Variants in RALGAPA2 observed in about 807,000 individuals in gnomAD.
The protein encoded by RALGAPA2 is Ral GTPase activating protein catalytic subunit alpha 2, also known as ral GTPase-activating protein subunit alpha-2.
Under a neutral mutation model 230.4 loss-of-function variants are expected in RALGAPA2, and 139 were observed. The ratio of observed to expected loss-of-function variants is 0.60; its 90% CI spans 0.53 to 0.69. The LOEUF is 0.69. Ranked by LOEUF, RALGAPA2 falls within the 30% of genes least tolerant of loss-of-function variation. The pLI, the probability that RALGAPA2 is intolerant of heterozygous loss-of-function variation, is 0.00. For synonymous variants in RALGAPA2, 847 were observed against 837.8 expected, an observed-to-expected ratio of 1.01 and a Z score of -0.19; for missense variants, 2,163 against 2,276.0, an observed-to-expected ratio of 0.95 and a Z score of 1.01.
intron 37 of RALGAPA2, among the ~76,000 whole-genome samples, chr20:20,427,208 C>T (rs1432012787): frequency 6.6e-6 from 1 of 152,194 alleles, no homozygotes; most frequent in African/African-American, 2.4e-5. Context: ...TTCTTCCACT[C>T]TCTCCAGTTG....
At position 20,403,726 on chromosome 20, in the gene RALGAPA2, C is replaced by G. The variant is rs116047330; in HGVS notation, c.5618-6992G>C. 5.8e-3 allele frequency among the ~76,000 whole-genome samples: 891 copies of G among 152,328 alleles called. 4 individuals are homozygous for G. Among genetic ancestry groups the G allele is most frequent in the African/African-American group, 0.02 (846 of 41,556 alleles). ...GCACCCTAGGGATGTAGCTAGGGAG[C>G]AGGGCTTCCCTAATGACTGCACGTG... On this transcript the variant is annotated intron_variant, in intron 38 of 39. Transcript: ENST00000202677.
chr20:20,531,884 A>G, intron 26 of RALGAPA2, 89 bp from the exon 27 acceptor site: 2 of 1,046,660 alleles, frequency 1.9e-6, no homozygotes, highest in Non-Finnish European at 2.8e-6. Context: ...CTTTAAATCT[A>G]TTTATACAAA....
chr20:20,454,514 C>T (rs373480795), intron 37 of RALGAPA2, among the ~76,000 whole-genome samples: 16 of 152,166 alleles, frequency 1.1e-4, no homozygotes, highest in East Asian at 5.8e-4. Context: ...CTTAACTTTA[C>T]GTTGTATCCT....
chr20:20,601,271 G>C (rs914821690), intron 16 of RALGAPA2, among the ~76,000 whole-genome samples: 6 of 152,142 alleles, frequency 3.9e-5, no homozygotes, highest in African/African-American at 1.4e-4. Context: ...AGCAAAAAAT[G>C]AAAATGTCTA....
chr20:20,520,635 G>A (rs1262414515), intron 31 of RALGAPA2, among the ~76,000 whole-genome samples: 7 of 152,228 alleles, frequency 4.6e-5, no homozygotes, highest in Admixed American at 3.9e-4. Flanking sequence ...TCCATTAGAT[G>A]TAAAGCTCCT....
chr20:20,654,172 T>C (rs1469269765), intron 3 of RALGAPA2, among the ~76,000 whole-genome samples: 1 of 152,190 alleles, frequency 6.6e-6, no homozygotes, highest in African/African-American at 2.4e-5. Context: ...GTAGATTCCA[T>C]ATATATGAGA....
rs558646695 is a variant in RALGAPA2, at chr20:20,449,831, C to A, written c.5495+22998G>T. ...GACCTATTATGTCTTCCAACTTATA[C>A]AAAATATAATTTCATTAACAGTAAT... On this transcript the variant is annotated intron_variant, in intron 37 of 39. Transcript: ENST00000202677. 2.0e-5 allele frequency among the ~76,000 whole-genome samples: 3 copies of A among 152,254 alleles called. No individual in the cohort carries two copies. In the South Asian group the frequency reaches 6.2e-4, roughly 32 times the overall value.
intron 37 of RALGAPA2, among the ~76,000 whole-genome samples, chr20:20,455,411 G>A (rs1815743249): frequency 6.6e-6 from 1 of 152,226 alleles, no homozygotes; most frequent in Non-Finnish European, 1.5e-5. Context: ...AGAGCTGGGG[G>A]ATCGGGCCAA....
At chr20:20,586,163 T>A (rs1386818067) in intron 18 of RALGAPA2, among the ~76,000 whole-genome samples, 1 of 152,130 alleles carries the variant, frequency 6.6e-6, no homozygotes, top group Non-Finnish European at 1.5e-5. Flanking sequence ...TAGAACCAGA[T>A]CCTACATAAA....
rs2066893888 is a variant in RALGAPA2, at chr20:20,637,419, A to C, written c.749T>G (p.Leu250Arg). 7 of 1,586,202 alleles carry C rather than the reference A, an allele frequency of 4.4e-6. No homozygotes were observed. The highest frequency in any genetic ancestry group is 5.2e-6 in the Non-Finnish European group (6 of 1,162,826). The change falls in exon 8 of 40, where the codon CTT becomes CGT. Residue 250 changes from leucine to arginine, a missense_variant. By Grantham distance (102) the Leu-to-Arg change is moderately radical (BLOSUM62 -2). Coordinates refer to ENST00000202677, the MANE Select transcript of RALGAPA2 (RefSeq NM_020343.4). ...FLFTLFRKYY[L>R]PHLFPSFTKL... ...AGTAAATGATGGAAATAAATGAGGA[A>C]GATAATACTTTCGAAACAATGTAAA...
At chr20:20,569,994 T>C (rs1003809486) in intron 23 of RALGAPA2, among the ~76,000 whole-genome samples, 1 of 152,208 alleles carries the variant, frequency 6.6e-6, no homozygotes, top group Non-Finnish European at 1.5e-5. Context: ...GTCTTTTCTA[T>C]ACCCCATAAT....
In RALGAPA2 at chr20:20,391,650, T is replaced by C. The variant is rs1265635679; in HGVS notation, c.*1639A>G. 4 of 152,242 alleles carry C rather than the reference T, an allele frequency of 2.6e-5. No homozygotes were observed. The highest frequency in any genetic ancestry group is 9.7e-5 in the African/African-American group (4 of 41,450). 9.4% of individuals were successfully genotyped at this position (152,242 alleles called of 1,614,324 possible). On this transcript the variant is annotated 3_prime_UTR_variant, in exon 40 of 40. Transcript: ENST00000202677. ...CCAGGTTCCAGCCAAACCAGCTCCA[T>C]GGCAAATGGAAAAAACTGGCTCCTC...
rs73901542 is a variant in RALGAPA2 at position 20,480,302 on chromosome 20, A to C, written c.5368-7346T>G. On this transcript the variant is annotated intron_variant, in intron 36 of 39. Coordinates refer to ENST00000202677, the MANE Select transcript of RALGAPA2 (RefSeq NM_020343.4). ...AGATATATCCCAACCTGTGGTAAGA[A>C]ATACAGTATGAGTAAGGCACACGGG... Among the ~76,000 whole-genome samples the C allele has an allele frequency of 7.0e-3, 1,063 of 152,328 alleles. 14 individuals carry two copies. Among genetic ancestry groups the C allele is most frequent in the African/African-American group, 0.025 (1,021 of 41,582 alleles).
chr20:20,681,237 G>A (rs1282345917), intron 1 of RALGAPA2, among the ~76,000 whole-genome samples: 1 of 152,138 alleles, frequency 6.6e-6, no homozygotes, highest in African/African-American at 2.4e-5. Flanking sequence ...CTCCTAAATG[G>A]ACCAATCTCT....
At chr20:20,498,999 G>C (rs759940227) in intron 35 of RALGAPA2, among the ~76,000 whole-genome samples, 1 of 152,228 alleles carries the variant, frequency 6.6e-6, no homozygotes, top group African/African-American at 2.4e-5. Context: ...GTTGCAACTG[G>C]ATTGCAGAAT....
intron 38 of RALGAPA2, among the ~76,000 whole-genome samples, chr20:20,401,447 C>T (rs1486936363): frequency 2.0e-5 from 3 of 152,174 alleles, no homozygotes; most frequent in African/African-American, 7.2e-5. Flanking sequence ...TGCTGGCACA[C>T]TGCTTTTCAG....
chr20:20,617,379 T>C (rs1397262042), intron 12 of RALGAPA2, among the ~76,000 whole-genome samples: 3 of 151,842 alleles, frequency 2.0e-5, no homozygotes, highest in African/African-American at 7.2e-5. Flanking sequence ...CACTATAATA[T>C]AGTTGATGAT....
chr20:20,681,571 T>C (rs1323994619), intron 1 of RALGAPA2, among the ~76,000 whole-genome samples: 1 of 152,220 alleles, frequency 6.6e-6, no homozygotes, highest in East Asian at 1.9e-4. Context: ...CTCAAAGTAG[T>C]TATCCACTGT....
intron 24 of RALGAPA2, among the ~76,000 whole-genome samples, chr20:20,544,208 T>A (rs2063721545): frequency 6.6e-6 from 1 of 151,720 alleles, no homozygotes; most frequent in Non-Finnish European, 1.5e-5. Flanking sequence ...GATCACGAGA[T>A]CAGGAGATTG....
Sources: gnomAD v4.1 joint callset for allele counts (sites outside exome capture counted in the v4.1 genomes callset) on GRCh38, gnomAD v4.1.1 for gene constraint, MANE v1.5 for transcripts, NCBI Gene and HGNC (gene_info 2026-07-23, HGNC 2026-07-21) for gene names.